SPATA13: variants seen among roughly 807,000 people sequenced by gnomAD.
The protein encoded by SPATA13 is spermatogenesis-associated protein 13.
Under a neutral mutation model 104.0 loss-of-function variants are expected in SPATA13, and 50 were observed. The observed-to-expected ratio is 0.48, with a 90% confidence interval of 0.38 to 0.61. The LOEUF is 0.61. SPATA13 is among the 20% of genes least tolerant of loss of function. The pLI, the probability that SPATA13 is intolerant of heterozygous loss-of-function variation, is 0.00. For synonymous variants in SPATA13, 606 were observed against 667.5 expected (o/e 0.91, Z 1.42); for missense variants, 1,524 against 1,690.6 (o/e 0.90, Z 1.73).
At chr13:24,196,201 C>T (rs940557262) in intron 1 of SPATA13, among the ~76,000 whole-genome samples, 2 of 152,136 alleles carry the variant, frequency 1.3e-5, no homozygotes, top group African/African-American at 4.8e-5. Context: ...ATAGTCAGTA[C>T]TCCTGTGGAG....
intron 2 of SPATA13, among the ~76,000 whole-genome samples, chr13:24,013,454 G>C (rs933967692): frequency 2.0e-5 from 3 of 152,126 alleles, no homozygotes; most frequent in African/African-American, 7.2e-5. Context: ...CCCCATACCT[G>C]GGACACTGCT....
At chr13:24,122,672 CAGAA>C in intron 3 of SPATA13, 1 of 1,062,990 alleles carries the variant, frequency 9.4e-7, no homozygotes. Flanking sequence ...TGGTGACAGA[CAGAA>C]GTGTGTCTGT....
chr13:23,986,975 GT>G (rs1234661061), intron 2 of SPATA13, among the ~76,000 whole-genome samples: 3 of 148,420 alleles, frequency 2.0e-5, no homozygotes, highest in Non-Finnish European at 4.4e-5. Flanking sequence ...TTCAAATCTT[GT>G]TATTTTAGAG....
At chr13:24,109,348 C>A (rs138200014) in intron 3 of SPATA13, among the ~76,000 whole-genome samples, 1 of 152,216 alleles carries the variant, frequency 6.6e-6, no homozygotes, top group Non-Finnish European at 1.5e-5. Context: ...TTTCTTAATC[C>A]GGTCTATCAT....
intron 1 of SPATA13, among the ~76,000 whole-genome samples, chr13:24,198,130 G>T (rs1172152876): frequency 2.6e-5 from 4 of 152,006 alleles, no homozygotes; most frequent in Admixed American, 6.6e-5. Context: ...CGAGTAGCTG[G>T]GATTACAGGC....
chr13:24,164,246 G>A (rs1374923307), intron 1 of SPATA13, among the ~76,000 whole-genome samples: 2 of 152,226 alleles, frequency 1.3e-5, no homozygotes, highest in South Asian at 2.1e-4. Context: ...TAAAGGGGGA[G>A]CATAGAGTAG....
upstream of SPATA13, among the ~76,000 whole-genome samples, chr13:24,157,415 T>C (rs9511093): frequency 0.46 from 69,473 of 151,592 alleles, 17,117 homozygotes; most frequent in Admixed American, 0.58. Flanking sequence ...TCTTCTGCCT[T>C]AGCCTCCGGA....
chr13:24,238,659 G>C (rs1220591), intron 2 of SPATA13, among the ~76,000 whole-genome samples: 36 of 152,164 alleles, frequency 2.4e-4, no homozygotes, highest in African/African-American at 8.7e-4. Context: ...GGGGACAGGC[G>C]GCTGAAGTCT....
intron 3 of SPATA13, among the ~76,000 whole-genome samples, chr13:24,063,245 A>C (rs1204528418): frequency 6.6e-6 from 1 of 152,170 alleles, no homozygotes; most frequent in Non-Finnish European, 1.5e-5. Flanking sequence ...CATGGGCACA[A>C]AGAGAGCACT....
At position 24,051,479 on chromosome 13, in the gene SPATA13, G is replaced by A. The variant is rs1198061165; in HGVS notation, c.-112+33778G>A. The stretch of plus-strand genomic sequence containing the variant: ...CACACATCCTTGCACCTGCCTGGGC[G>A]ATGGCACTTGGGACATACTCATGCA... On this transcript the variant is annotated intron_variant, in intron 3 of 14. Transcript: ENST00000424834. This position sits in a 1 kb window ranked among gnomAD's most constrained non-coding sequence, Gnocchi z 4.2. 6.6e-6 allele frequency among the ~76,000 whole-genome samples: 1 copy of A among 152,204 alleles called. No homozygotes were observed. Among genetic ancestry groups the A allele is most frequent in the African/African-American group, 2.4e-5 (1 of 41,454 alleles).
At chr13:24,094,498 A>G (rs976704495) in intron 3 of SPATA13, among the ~76,000 whole-genome samples, 2 of 152,232 alleles carry the variant, frequency 1.3e-5, no homozygotes, top group African/African-American at 4.8e-5. Context: ...AAATACTGTG[A>G]CGGGACAAAG....
intron 2 of SPATA13, among the ~76,000 whole-genome samples, chr13:23,999,262 C>A (rs544640692): frequency 2.8e-4 from 42 of 148,074 alleles, no homozygotes; most frequent in African/African-American, 9.5e-4. Context: ...TTTTATAAGT[C>A]TCAAAATCAA....
chr13:24,185,459 G>T (rs1378680657), intron 1 of SPATA13, among the ~76,000 whole-genome samples: 1 of 152,098 alleles, frequency 6.6e-6, no homozygotes, highest in African/African-American at 2.4e-5. Flanking sequence ...AGGGCTGAAA[G>T]AACCAAGATT....
intron 3 of SPATA13, among the ~76,000 whole-genome samples, chr13:24,037,920 T>TC (rs1877763474): frequency 1.3e-5 from 2 of 150,568 alleles, no homozygotes; most frequent in South Asian, 2.1e-4. Flanking sequence ...TAGACTAGAT[T>TC]TTTTTTTTTG....
chr13:24,024,056 T>A (rs1593283540), intron 3 of SPATA13, among the ~76,000 whole-genome samples: 1 of 152,160 alleles, frequency 6.6e-6, no homozygotes, highest in African/African-American at 2.4e-5. Flanking sequence ...TTTGAGGGGA[T>A]CAGAATTGCC....
chr13:24,064,465 G>A (rs969258750), intron 3 of SPATA13, among the ~76,000 whole-genome samples: 3 of 152,116 alleles, frequency 2.0e-5, no homozygotes, highest in Admixed American at 2.0e-4. Flanking sequence ...TGAGGCGCTT[G>A]GGAGGTCATT....
At chr13:23,999,350 C>T (rs1875839734) in intron 2 of SPATA13, among the ~76,000 whole-genome samples, 1 of 108,730 alleles carries the variant, frequency 9.2e-6, no homozygotes, top group Non-Finnish European at 1.8e-5. Context: ...GTTTTAGAAA[C>T]AGATCCTCAT....
intron 3 of SPATA13, among the ~76,000 whole-genome samples, chr13:24,147,713 G>C (rs536000776): frequency 4.6e-5 from 7 of 152,108 alleles, no homozygotes; most frequent in Non-Finnish European, 8.8e-5. Context: ...CATCTCCAGA[G>C]CTGAAACTGA....
chr13:24,271,659 A>G (rs1874620368), intron 4 of SPATA13, among the ~76,000 whole-genome samples: 1 of 152,206 alleles, frequency 6.6e-6, no homozygotes, highest in Non-Finnish European at 1.5e-5. Flanking sequence ...GACTTCACAG[A>G]CAGGCTTTTC....
Sources: gnomAD v4.1 joint callset for allele counts (sites outside exome capture counted in the v4.1 genomes callset) on GRCh38, gnomAD v4.1.1 for gene constraint, Gnocchi (gnomAD v3.1) non-coding constraint, MANE v1.5 for transcripts, NCBI Gene and HGNC (gene_info 2026-07-23, HGNC 2026-07-21) for gene names.